The following MCC variants were observed in gnomAD, a reference collection of about 807,000 sequenced individuals.
The protein encoded by MCC is MCC regulator of Wnt signaling pathway, also known as colorectal mutant cancer protein.
A neutral mutation model predicts 116.2 loss-of-function variants in MCC; 90 were observed. The observed-to-expected ratio is 0.77, with a 90% CI of 0.65 to 0.92. The LOEUF (loss-of-function observed/expected upper bound fraction) is 0.92. Ranked by LOEUF, MCC falls within the 40% of genes least tolerant of loss-of-function variation. MCC has a pLI of 0.00. For synonymous variants in MCC, 578 were observed against 510.5 expected, an observed-to-expected ratio of 1.13 and a Z score of -1.78; for missense variants, 1,516 against 1,312.2, an observed-to-expected ratio of 1.16 and a Z score of -2.40.
chr5:113,321,801 C>A (rs1417824463), intron 3 of MCC, among the ~76,000 whole-genome samples: 1 of 152,082 alleles, frequency 6.6e-6, no homozygotes, highest in Non-Finnish European at 1.5e-5. Context: ...TCACTAGGTC[C>A]GGGGTGATGC....
intron 16 of MCC, chr5:113,048,831 T>C (rs1333220014): frequency 8.8e-6 from 5 of 565,982 alleles, no homozygotes; most frequent in Non-Finnish European, 1.6e-5. Flanking sequence ...AGTGGACAAC[T>C]GCAGAGATCA....
chr5:113,194,486 A>G (rs1762296513), intron 3 of MCC, among the ~76,000 whole-genome samples: 1 of 152,140 alleles, frequency 6.6e-6, no homozygotes, highest in Admixed American at 6.5e-5. Flanking sequence ...GCAACAAAGT[A>G]AGAATCTGTC....
chr5:113,280,393 AG>A (rs1766000210), intron 3 of MCC, among the ~76,000 whole-genome samples: 1 of 152,212 alleles, frequency 6.6e-6, no homozygotes, highest in Non-Finnish European at 1.5e-5. Context: ...TATTCTGTCA[AG>A]CACACTGCAA....
At chr5:113,061,506 A>AT (rs1753216113) in intron 14 of MCC, among the ~76,000 whole-genome samples, 1 of 152,254 alleles carries the variant, frequency 6.6e-6, no homozygotes, top group Admixed American at 6.5e-5. Flanking sequence ...CCATAAGACT[A>AT]TTATACTTTC....
At chr5:113,470,839 T>A (rs1358981087) in intron 1 of MCC, among the ~76,000 whole-genome samples, 1 of 151,936 alleles carries the variant, frequency 6.6e-6, no homozygotes, top group African/African-American at 2.4e-5. Flanking sequence ...GATTTGGTCT[T>A]TTCACATAGT....
At chr5:113,310,665 C>T (rs1455360628) in intron 3 of MCC, among the ~76,000 whole-genome samples, 1 of 152,130 alleles carries the variant, frequency 6.6e-6, no homozygotes, top group Non-Finnish European at 1.5e-5. Flanking sequence ...ACTACTGTCA[C>T]TAGTGATAGA....
intron 3 of MCC, among the ~76,000 whole-genome samples, chr5:113,187,618 G>A (rs1486107345): frequency 6.6e-6 from 1 of 152,014 alleles, no homozygotes; most frequent in African/African-American, 2.4e-5. Flanking sequence ...AGCCGGGCGT[G>A]GTGGTGGGTG....
chr5:113,109,655 A>G (rs969464361), intron 6 of MCC, among the ~76,000 whole-genome samples: 2 of 152,250 alleles, frequency 1.3e-5, no homozygotes, highest in African/African-American at 4.8e-5. Flanking sequence ...TGTTACCACA[A>G]TAAATATAAT....
chr5:113,281,073 A>C (rs1766029897), intron 3 of MCC, among the ~76,000 whole-genome samples: 1 of 152,232 alleles, frequency 6.6e-6, no homozygotes. Flanking sequence ...TTTGACCATT[A>C]GCCAAAACCT....
intron 3 of MCC, among the ~76,000 whole-genome samples, chr5:113,244,792 T>TTAC (rs1764508047): frequency 6.6e-6 from 1 of 152,236 alleles, no homozygotes. Context: ...ATGTTTCACT[T>TTAC]TACTACTATC....
At position 113,071,250 on chromosome 5, in the gene MCC, A is replaced by G; in HGVS notation, c.1785-16T>C. ...CTCAATCCGGCTACAAAGGAACAAAAATCAGATTCACACTAGGGTTACAGT... is the reference window on the plus strand; with the variant it reads ...CTCAATCCGGCTACAAAGGAACAAAGATCAGATTCACACTAGGGTTACAGT... On this transcript the variant is annotated splice_polypyrimidine_tract_variant and intron_variant, in intron 11 of 18. Transcript: ENST00000408903. 6.2e-7 allele frequency: 1 copy of G among 1,612,436 alleles called. No individual in the cohort carries two copies. The highest frequency in any genetic ancestry group is 1.1e-5 in the South Asian group (1 of 90,612).
chr5:113,115,569 C>A lies in MCC; in HGVS notation c.1027+7115G>T, dbSNP rs116769171. 3.6e-3 allele frequency among the ~76,000 whole-genome samples: 550 copies of A among 152,112 alleles called. 3 individuals are homozygous for A. Among genetic ancestry groups the A allele is most frequent in the African/African-American group, 0.013 (527 of 41,460 alleles). ...GGGAGCTGTCCTCCAGGACTGCGAG[C>A]CTCTACTGACCTTGGTGCCCATCTA... On this transcript the variant is annotated intron_variant, in intron 6 of 18. Transcript: ENST00000408903.
intron 8 of MCC, among the ~76,000 whole-genome samples, chr5:113,092,257 C>G (rs1755696327): frequency 6.6e-6 from 1 of 152,038 alleles, no homozygotes; most frequent in East Asian, 1.9e-4. Flanking sequence ...AAGAGGGAAG[C>G]AGGAGTGCCA....
intron 1 of MCC, among the ~76,000 whole-genome samples, chr5:113,474,599 T>C (rs1422017235): frequency 1.3e-5 from 2 of 152,184 alleles, no homozygotes; most frequent in Non-Finnish European, 2.9e-5. Context: ...TAGGAAGAGC[T>C]GCCTGCTCAG....
intron 3 of MCC, among the ~76,000 whole-genome samples, chr5:113,186,327 T>A (rs572848228): frequency 9.2e-5 from 14 of 152,296 alleles, no homozygotes; most frequent in African/African-American, 2.6e-4. Flanking sequence ...TTTGTTTGAT[T>A]TGCAGTCTCC....
chr5:113,230,705 A>G, intron 3 of MCC, among the ~76,000 whole-genome samples: 1 of 152,198 alleles, frequency 6.6e-6, no homozygotes, highest in East Asian at 1.9e-4. Flanking sequence ...ACTATTTTGC[A>G]GATATAAATA....
At chr5:113,442,093 G>C (rs1244215720) in intron 1 of MCC, among the ~76,000 whole-genome samples, 1 of 152,094 alleles carries the variant, frequency 6.6e-6, no homozygotes, top group Non-Finnish European at 1.5e-5. Flanking sequence ...TTCCCCAATG[G>C]GTGAACTAAT....
At chr5:113,438,504 C>CA (rs1770932716) in intron 1 of MCC, among the ~76,000 whole-genome samples, 3 of 152,072 alleles carry the variant, frequency 2.0e-5, no homozygotes, top group African/African-American at 7.2e-5. Context: ...AAAAGGTATG[C>CA]AAAATAGGTA....
chr5:113,071,272 C>T, intron 11 of MCC, 38 bp from the exon 12 acceptor site: 1 of 1,597,378 alleles, frequency 6.3e-7, no homozygotes, highest in Middle Eastern at 1.7e-4. Context: ...ACTAGGGTTA[C>T]AGTTAATTTG....
Sources: gnomAD v4.1 joint callset for allele counts (sites outside exome capture counted in the v4.1 genomes callset) on GRCh38, gnomAD v4.1.1 for gene constraint, MANE v1.5 for transcripts, NCBI Gene and HGNC (gene_info 2026-07-23, HGNC 2026-07-21) for gene names.